Variants in CSMD3 observed in about 807,000 individuals in gnomAD.
CSMD3 encodes CUB and Sushi multiple domains 3.
A neutral mutation model predicts 435.2 loss-of-function variants in CSMD3; 177 were observed. That is an observed-to-expected ratio of 0.41 (90% CI 0.36 to 0.46). The LOEUF (loss-of-function observed/expected upper bound fraction) is 0.46. Ranked by LOEUF, CSMD3 falls within the 20% of genes least tolerant of loss-of-function variation. CSMD3 has a pLI of 0.34. For missense variants in CSMD3, 4,265 were observed against 4,504.6 expected, an observed-to-expected ratio of 0.95 and a Z score of 1.52; for synonymous variants, 1,656 against 1,520.5, an observed-to-expected ratio of 1.09 and a Z score of -2.07.
intron 1 of CSMD3, among the ~76,000 whole-genome samples, chr8:113,383,061 A>C (rs1233043725): frequency 6.6e-6 from 1 of 152,194 alleles, no homozygotes; most frequent in African/African-American, 2.4e-5. Context: ...TTTTTAAGGA[A>C]ATGAGAAAAT....
At chr8:112,788,414 C>A (rs1420034795) in intron 13 of CSMD3, among the ~76,000 whole-genome samples, 1 of 152,078 alleles carries the variant, frequency 6.6e-6, no homozygotes, top group African/African-American at 2.4e-5. Context: ...GAACCACTTG[C>A]ACACATTGGT....
chr8:112,532,518 T>G (rs1301350548), intron 27 of CSMD3, among the ~76,000 whole-genome samples: 1 of 152,122 alleles, frequency 6.6e-6, no homozygotes, highest in African/African-American at 2.4e-5. Context: ...GCAGTAGACT[T>G]CTCAGCAAGC....
At chr8:112,521,717 A>T (rs1232701112) in intron 27 of CSMD3, among the ~76,000 whole-genome samples, 1 of 151,804 alleles carries the variant, frequency 6.6e-6, no homozygotes, top group Admixed American at 6.6e-5. Flanking sequence ...ATTCTCTTCA[A>T]GTGCCTATTT....
At chr8:112,533,405 C>A (rs377736432) in intron 27 of CSMD3, among the ~76,000 whole-genome samples, 56 of 151,798 alleles carry the variant, frequency 3.7e-4, no homozygotes, top group African/African-American at 1.3e-3. Context: ...CATGCATATA[C>A]TGAATGTGAA....
At chr8:112,515,521 T>C (rs1352560038) in intron 28 of CSMD3, among the ~76,000 whole-genome samples, 1 of 152,108 alleles carries the variant, frequency 6.6e-6, no homozygotes, top group Non-Finnish European at 1.5e-5. Flanking sequence ...TTTCCCCGGA[T>C]CGTATGAGTG....
At chr8:112,673,368 T>A (rs1461337441) in intron 16 of CSMD3, among the ~76,000 whole-genome samples, 1 of 152,008 alleles carries the variant, frequency 6.6e-6, no homozygotes, top group Admixed American at 6.6e-5. Context: ...TAACTACTTC[T>A]ATCCCTCCCT....
At chr8:112,599,027 A>G (rs1473530765) in intron 22 of CSMD3, among the ~76,000 whole-genome samples, 4 of 149,426 alleles carry the variant, frequency 2.7e-5, no homozygotes, top group Admixed American at 2.7e-4. Flanking sequence ...ATGGGATCTA[A>G]TTAAACTAAA....
intron 6 of CSMD3, among the ~76,000 whole-genome samples, chr8:113,015,700 A>G (rs2086429840): frequency 1.3e-5 from 2 of 151,852 alleles, no homozygotes; most frequent in Admixed American, 1.3e-4. Flanking sequence ...ATGAAATAAA[A>G]ATACTTTTAA....
intron 3 of CSMD3, among the ~76,000 whole-genome samples, chr8:113,261,897 T>C (rs952891575): frequency 2.0e-5 from 3 of 152,068 alleles, no homozygotes; most frequent in African/African-American, 7.2e-5. Flanking sequence ...TATTGCTCTG[T>C]GGATGTTGTA....
chr8:112,336,021 T>C (rs1191692508), intron 44 of CSMD3, among the ~76,000 whole-genome samples: 4 of 152,048 alleles, frequency 2.6e-5, no homozygotes, highest in Admixed American at 2.6e-4. Context: ...CAAGGGATCC[T>C]CTCATCTCAG....
Position 112,503,842 on chromosome 8 carries a change from A to G in CSMD3, c.5031T>C (p.Ala1677=), listed in dbSNP as rs2130914968. The G allele has an allele frequency of 6.2e-7, 1 of 1,613,088 alleles. No homozygotes were observed. Among genetic ancestry groups the G allele is most frequent in the South Asian group, 1.1e-5 (1 of 90,958 alleles). ...AACTAACAGATCCATCACTCCGAAA[A>G]GCCAAATGCATTGTATTTGAGCTGC... ...IESSSNTMHL[A]FRSDGSVSYT... Residue 1677 remains alanine (A), a synonymous_variant, in exon 30 of 71, where the codon GCT becomes GCC. Transcript: ENST00000297405.
chr8:112,618,019 A>C (rs1833789666), intron 22 of CSMD3, among the ~76,000 whole-genome samples: 1 of 152,146 alleles, frequency 6.6e-6, no homozygotes, highest in Non-Finnish European at 1.5e-5. Flanking sequence ...TGCCAGAAAA[A>C]GTAATGAAAC....
rs117502786 is a variant in CSMD3, at chr8:112,827,723, A to G, written c.1859+1963T>C. Among the ~76,000 whole-genome samples, 45 of 152,282 alleles carry G rather than the reference A, an allele frequency of 3.0e-4. 1 individual carries two copies. In the East Asian group the frequency reaches 7.9e-3, roughly 27 times the overall value. Reference sequence around the variant, plus strand: ...AATGAATAAATTGATAAAGAAAGCAATCCACATTTTGTCTTATATCAGGTG... The same window carrying G: ...AATGAATAAATTGATAAAGAAAGCAGTCCACATTTTGTCTTATATCAGGTG... On this transcript the variant is annotated intron_variant, in intron 12 of 70. Transcript: ENST00000297405.
intron 1 of CSMD3, chr8:113,376,766 AG>A (rs2094386430): frequency 6.2e-7 from 1 of 1,613,858 alleles, no homozygotes; most frequent in Non-Finnish European, 8.5e-7. Flanking sequence ...CAAGCTGTAC[AG>A]GTTTCCAGCA....
intron 40 of CSMD3, among the ~76,000 whole-genome samples, chr8:112,350,606 C>T (rs560772500): frequency 1.3e-5 from 2 of 150,878 alleles, no homozygotes; most frequent in Non-Finnish European, 3.0e-5. Flanking sequence ...AATAGTTGCA[C>T]ACAAATACAA....
intron 5 of CSMD3, among the ~76,000 whole-genome samples, chr8:113,036,140 CTAAA>C (rs111991499): frequency 1.3e-3 from 193 of 151,954 alleles, no homozygotes; most frequent in African/African-American, 4.4e-3. Flanking sequence ...ATTGGACTAA[CTAAA>C]TAAAATTAAT....
At chr8:112,829,192 T>G (rs1024008587) in intron 12 of CSMD3, among the ~76,000 whole-genome samples, 1 of 152,176 alleles carries the variant, frequency 6.6e-6, no homozygotes, top group Non-Finnish European at 1.5e-5. Flanking sequence ...ATAAGGATCA[T>G]GCAGTGATTC....
intron 9 of CSMD3, among the ~76,000 whole-genome samples, 194 bp from the exon 10 acceptor site, chr8:112,921,945 G>A (rs1032368186): frequency 6.6e-6 from 1 of 152,080 alleles, no homozygotes; most frequent in African/African-American, 2.4e-5. Context: ...GTTAATAGAT[G>A]TAGAACGAAG....
intron 1 of CSMD3, among the ~76,000 whole-genome samples, chr8:113,363,818 A>G (rs767718160): frequency 1.3e-5 from 2 of 152,162 alleles, no homozygotes; most frequent in Non-Finnish European, 2.9e-5. Context: ...AGGACCTGGT[A>G]TCTCTGACTA....
Sources: allele counts gnomAD v4.1 joint callset (sites outside exome capture counted in the v4.1 genomes callset), GRCh38; gene constraint gnomAD v4.1.1; transcripts MANE v1.5; gene names NCBI Gene and HGNC (gene_info 2026-07-23, HGNC 2026-07-21).